CHCHD3: variants seen among roughly 807,000 people sequenced by gnomAD.
The protein encoded by CHCHD3 is MICOS complex subunit MIC19.
In CHCHD3, 20 loss-of-function variants were observed where a neutral mutation model predicts 38.2. The observed-to-expected ratio is 0.52, with a 90% confidence interval of 0.37 to 0.76. CHCHD3 has a LOEUF of 0.76. Ranked by LOEUF, CHCHD3 falls within the 30% of genes least tolerant of loss-of-function variation. The pLI is 0.00. For missense variants in CHCHD3, 245 were observed against 279.2 expected (o/e 0.88, Z 0.87); for synonymous variants, 82 against 100.0 (o/e 0.82, Z 1.07).
chr7:133,008,644 T>A lies in CHCHD3; in HGVS notation c.251+15902A>T, dbSNP rs577350950. ...AGACAAATTTAAATGACCACCGTAA[T>A]AAAGAATTTGATCTTTTCTTTTTGT... On this transcript the variant is annotated intron_variant, in intron 3 of 7. Transcript: ENST00000262570. 3.9e-5 allele frequency among the ~76,000 whole-genome samples: 6 copies of A among 152,250 alleles called. 1 individual carries two copies. Among genetic ancestry groups the A allele is most frequent in the African/African-American group, 1.4e-4 (6 of 41,568 alleles).
At position 132,885,203 on chromosome 7, in the gene CHCHD3, G is replaced by T. The variant is rs570517251; in HGVS notation, c.453+459C>A. On this transcript the variant is annotated intron_variant, in intron 5 of 7. Coordinates refer to ENST00000262570, the MANE Select transcript of CHCHD3 (RefSeq NM_017812.4). ...GTAGGTGGAGGTTGCAGTGAACCAA[G>T]ATCATGCCACTAGACTCCAGTCTGG... 1.7e-4 allele frequency among the ~76,000 whole-genome samples: 26 copies of T among 152,258 alleles called. 1 individual carries two copies. Among genetic ancestry groups the T allele is most frequent in the Middle Eastern group, 3.4e-3 (1 of 294 alleles).
intron 5 of CHCHD3, among the ~76,000 whole-genome samples, chr7:132,850,455 T>G (rs1006667051): frequency 2.6e-4 from 40 of 151,102 alleles, no homozygotes; most frequent in African/African-American, 9.0e-4. Context: ...TTTTTGTTTT[T>G]TTTTTTTTTC....
At chr7:133,034,517 T>C in intron 2 of CHCHD3, 16 of 479,672 alleles carry the variant, frequency 3.3e-5, no homozygotes, top group Non-Finnish European at 4.8e-5. Context: ...TCTTTTTTTT[T>C]TTTTTTTTTT....
At chr7:132,989,755 TACACA>T (rs1394178636) in intron 3 of CHCHD3, among the ~76,000 whole-genome samples, 8 of 152,192 alleles carry the variant, frequency 5.3e-5, no homozygotes. Flanking sequence ...AGGAGGAAAT[TACACA>T]ACACCACAAA....
chr7:132,964,463 C>T (rs911406070), intron 4 of CHCHD3, among the ~76,000 whole-genome samples: 13 of 152,140 alleles, frequency 8.5e-5, no homozygotes, highest in African/African-American at 3.1e-4. Context: ...CACCTGTAAT[C>T]CCAGTTAATC....
In CHCHD3 at chr7:132,858,004, C is replaced by T. The variant is rs562726946; in HGVS notation, c.454-19535G>A. Among the ~76,000 whole-genome samples the T allele has an allele frequency of 4.5e-4, 69 of 152,312 alleles. 1 individual carries two copies. Among genetic ancestry groups the T allele is most frequent in the African/African-American group, 1.5e-3 (63 of 41,562 alleles). On this transcript the variant is annotated intron_variant, in intron 5 of 7. Transcript: ENST00000262570. ...GCACACTTGTCTGTATTCCTCTATG[C>T]TGAGACGCATTTGAGCTCATTCAGA...
chr7:132,893,193 T>TG (rs1341456734), intron 4 of CHCHD3, among the ~76,000 whole-genome samples: 2 of 152,184 alleles, frequency 1.3e-5, no homozygotes, highest in African/African-American at 4.8e-5. Flanking sequence ...TCTAAGGCCA[T>TG]GGGAGCCCAC....
chr7:132,959,995 C>A (rs1811273355), intron 4 of CHCHD3, among the ~76,000 whole-genome samples: 1 of 152,132 alleles, frequency 6.6e-6, no homozygotes, highest in Non-Finnish European at 1.5e-5. Context: ...AAACGTATCT[C>A]CAGAATAGAG....
rs149191894 is a variant in CHCHD3, at chr7:133,028,620, C to T, written c.170-3993G>A. ...AGAAAAAGAAGGCCAGGTGCGGTGG[C>T]TCACGCCTATAATCCCAACACTCTG... is the stretch of plus-strand genomic sequence containing the variant. On this transcript the variant is annotated intron_variant, in intron 2 of 7. Coordinates refer to ENST00000262570, the MANE Select transcript of CHCHD3 (RefSeq NM_017812.4). Among the ~76,000 whole-genome samples the T allele has an allele frequency of 2.2e-3, 340 of 152,174 alleles. 2 individuals carry two copies. Among genetic ancestry groups the T allele is most frequent in the African/African-American group, 7.9e-3 (327 of 41,540 alleles).
chr7:132,785,561 T>C lies in CHCHD3; in HGVS notation c.*76A>G, dbSNP rs1806291830. The C allele has an allele frequency of 7.0e-7, 1 of 1,436,632 alleles. No homozygotes were observed. Among genetic ancestry groups the C allele is most frequent in the Admixed American group, 1.7e-5 (1 of 59,314 alleles). The allele number at this position is 1,436,632 out of a possible 1,614,324, so 89.0% of individuals were successfully genotyped here. A position where few individuals can be genotyped will look rare whatever the true frequency, so the allele number is the denominator to read the frequency against. On this transcript the variant is annotated 3_prime_UTR_variant, in exon 8 of 8. Coordinates refer to ENST00000262570, the MANE Select transcript of CHCHD3 (RefSeq NM_017812.4). ...ATTAGTGGTCTTCTCTTCAAATGGG[T>C]TGTTTTCTCACTAGGAAAAAAAATG...
chr7:133,035,598 G>T lies in CHCHD3; in HGVS notation c.170-10971C>A. The stretch of plus-strand genomic sequence containing the variant: ...GGGGAACACCCAGGTACTGGCTGGG[G>T]GCACTATATCGGAATCAGCAAAGCT... On this transcript the variant is annotated intron_variant, in intron 2 of 7. Coordinates refer to ENST00000262570, the MANE Select transcript of CHCHD3 (RefSeq NM_017812.4). This position sits in a 1 kb window ranked among gnomAD's most constrained non-coding sequence, Gnocchi z 4.7. 2 of 1,612,968 alleles carry T rather than the reference G, an allele frequency of 1.2e-6. No homozygotes were observed. Among genetic ancestry groups the T allele is most frequent in the Non-Finnish European group, 1.7e-6 (2 of 1,179,246 alleles).
chr7:132,950,764 G>T (rs1163656975), intron 4 of CHCHD3, among the ~76,000 whole-genome samples: 1 of 152,128 alleles, frequency 6.6e-6, no homozygotes, highest in Non-Finnish European at 1.5e-5. Flanking sequence ...ATAGTAGGTT[G>T]CTATGTGGTT....
intron 4 of CHCHD3, among the ~76,000 whole-genome samples, chr7:132,961,544 C>G (rs536295536): frequency 4.5e-4 from 68 of 152,236 alleles, no homozygotes; most frequent in Middle Eastern, 3.4e-3. Context: ...TATAAAATGA[C>G]TACCACAATC....
At chr7:132,923,468 A>G (rs1810306613) in intron 4 of CHCHD3, among the ~76,000 whole-genome samples, 1 of 152,154 alleles carries the variant, frequency 6.6e-6, no homozygotes, top group Admixed American at 6.5e-5. Flanking sequence ...AAATAATTCC[A>G]TTTATACAAT....
chr7:133,012,121 T>C (rs1812893638), intron 3 of CHCHD3, among the ~76,000 whole-genome samples: 1 of 152,138 alleles, frequency 6.6e-6, no homozygotes, highest in Non-Finnish European at 1.5e-5. Flanking sequence ...GGAGAGAGCT[T>C]TTCTAAGGCA....
At chr7:132,847,619 A>G (rs1166937242) in intron 5 of CHCHD3, among the ~76,000 whole-genome samples, 1 of 152,200 alleles carries the variant, frequency 6.6e-6, no homozygotes, top group Admixed American at 6.5e-5. Flanking sequence ...CCATTTTCAG[A>G]AAGTCTCACT....
chr7:132,850,450 G>GTTTTTTTTTTTTTT (rs75016148), intron 5 of CHCHD3, among the ~76,000 whole-genome samples: 5 of 132,964 alleles, frequency 3.8e-5, no homozygotes, highest in African/African-American at 8.6e-5. Context: ...TTTTTTTTTT[G>GTTTTTTTTTTTTTT]TTTTTTTTTT....
chr7:132,967,216 T>TC (rs1465770762), intron 4 of CHCHD3, among the ~76,000 whole-genome samples: 4 of 152,292 alleles, frequency 2.6e-5, no homozygotes, highest in African/African-American at 9.6e-5. Flanking sequence ...GCAGAGTTAT[T>TC]CCCCCTAGCT....
At chr7:132,809,805 T>C (rs901707883) in intron 6 of CHCHD3, among the ~76,000 whole-genome samples, 10 of 152,226 alleles carry the variant, frequency 6.6e-5, no homozygotes, top group African/African-American at 2.2e-4. Context: ...ATTCTCTGAA[T>C]TGATTTTATT....
Sources: allele counts gnomAD v4.1 joint callset (sites outside exome capture counted in the v4.1 genomes callset), GRCh38; gene constraint gnomAD v4.1.1; non-coding constraint Gnocchi (gnomAD v3.1); transcripts MANE v1.5; gene names NCBI Gene and HGNC (gene_info 2026-07-23, HGNC 2026-07-21).